Variants in DLST observed in about 807,000 individuals in gnomAD.
The protein encoded by DLST is dihydrolipoyllysine-residue succinyltransferase component of 2-oxoglutarate dehydrogenase complex, mitochondrial.
A neutral mutation model predicts 53.1 loss-of-function variants in DLST; 17 were observed. That is an observed-to-expected ratio of 0.32 (90% CI 0.22 to 0.48). The LOEUF (loss-of-function observed/expected upper bound fraction) is 0.48. DLST is among the 20% of genes least tolerant of loss of function. The pLI is 0.99. For synonymous variants in DLST, 206 were observed against 204.8 expected (o/e 1.01, Z -0.05); for missense variants, 512 against 583.9 (o/e 0.88, Z 1.27).
At chr14:74,886,776 C>G (rs549491928) in intron 3 of DLST, among the ~76,000 whole-genome samples, 41 of 152,014 alleles carry the variant, frequency 2.7e-4, no homozygotes, top group African/African-American at 9.9e-4. Flanking sequence ...GAGTCTTGCT[C>G]TGTCACCCAG....
intron 8 of DLST, 22 bp downstream of exon 8, chr14:74,893,008 G>A: frequency 6.2e-7 from 1 of 1,604,336 alleles, no homozygotes; most frequent in Non-Finnish European, 8.5e-7. Flanking sequence ...ACTCCCACAT[G>A]TCATGTGGGA....
chr14:74,882,750 G>T (rs1281461392), intron 2 of DLST, 126 bp downstream of exon 2: 10 of 819,378 alleles, frequency 1.2e-5, no homozygotes, highest in Non-Finnish European at 1.9e-5. Context: ...GTAGTGAGAC[G>T]CAATGCTACA....
intron 5 of DLST, 27 bp from the exon 6 acceptor site, chr14:74,889,870 C>T (rs552604520): frequency 6.2e-7 from 1 of 1,613,044 alleles, no homozygotes. Context: ...TAACAGGTAG[C>T]CTTGTAGCCT....
intron 10 of DLST, among the ~76,000 whole-genome samples, chr14:74,897,118 T>C (rs1884098004): frequency 6.6e-6 from 1 of 152,252 alleles, no homozygotes. Flanking sequence ...ATCACATCTC[T>C]TTCCCTCTTC....
rs1883957407 is a variant in DLST at position 74,892,887 on chromosome 14, G to A, written c.496G>A (p.Ala166Thr). ...AGCTCCTGCTGCTGCAGCCCCAAAA[G>A]CAGAACCTACAGCAGCGGCAGTTCC... ...AEAPAAAAPK[A>T]EPTAAAVPPP... Residue 166 changes from alanine (A) to threonine (T), a missense_variant, in exon 8 of 15, where the codon GCA (alanine) becomes ACA (threonine). Transcript: ENST00000334220. 6.2e-7 allele frequency: 1 copy of A among 1,614,064 alleles called. No homozygotes were observed. Among genetic ancestry groups the A allele is most frequent in the Non-Finnish European group, 8.5e-7 (1 of 1,180,008 alleles).
At chr14:74,900,995 G>A (rs1884227876) in intron 13 of DLST, 71 bp from the exon 14 acceptor site, 2 of 1,548,856 alleles carry the variant, frequency 1.3e-6, no homozygotes, top group Non-Finnish European at 1.8e-6. Flanking sequence ...CAAAGCGCTG[G>A]GATTATGGAC....
chr14:74,888,816 T>C (rs1361837813), intron 3 of DLST, among the ~76,000 whole-genome samples: 4 of 152,200 alleles, frequency 2.6e-5, no homozygotes, highest in Non-Finnish European at 5.9e-5. Flanking sequence ...TTTGTGAGAG[T>C]TGGCATTGCA....
At position 74,901,107 on chromosome 14, in the gene DLST, TACCTTC is replaced by T. The variant is rs1334322491; in HGVS notation, c.1105_1110del (p.Phe369_Thr370del). 1 of 1,614,042 alleles carries T rather than the reference TACCTTC, an allele frequency of 6.2e-7. No homozygotes were observed. The highest frequency in any genetic ancestry group is 8.5e-7 in the Non-Finnish European group (1 of 1,180,014). On this transcript the variant is annotated inframe_deletion, in exon 14 of 15. Coordinates refer to ENST00000334220, the MANE Select transcript of DLST (RefSeq NM_001933.5). ...TTGCCATTGAAGATATGGATGGCGG[TACCTTC>T]ACCATTAGCAATGGAGGCGTTTTTG...
chr14:74,893,460 G>A, intron 9 of DLST, 36 bp downstream of exon 9: 1 of 1,611,626 alleles, frequency 6.2e-7, no homozygotes, highest in Non-Finnish European at 8.5e-7. Context: ...GAAAGAGGCA[G>A]GGGGCAGTGT....
intron 3 of DLST, among the ~76,000 whole-genome samples, chr14:74,888,280 T>G (rs1364661399): frequency 3.3e-5 from 5 of 151,652 alleles, no homozygotes; most frequent in African/African-American, 9.7e-5. Context: ...TTGGGTTTTT[T>G]TTTTTTTTTT....
rs908660384 is a variant in DLST, at chr14:74,900,016, G to A, written c.975+20G>A. On this transcript the variant is annotated intron_variant, in intron 12 of 14. Transcript: ENST00000334220. ...CCACGGGTATGTTGGGGCAGGAGGT[G>A]GGGAATGTTGGTCTTAGACCCTCAC... 58 of 1,596,876 alleles carry A rather than the reference G, an allele frequency of 3.6e-5. No homozygotes were observed. Among genetic ancestry groups the A allele is most frequent in the Non-Finnish European group, 4.8e-5 (56 of 1,165,676 alleles).
At chr14:74,900,164 C>A in intron 12 of DLST, 125 bp from the exon 13 acceptor site, 1 of 1,108,946 alleles carries the variant, frequency 9.0e-7, no homozygotes, top group Non-Finnish European at 1.4e-6. Context: ...TTAACACTTT[C>A]TGTTAATCAC....
Position 74,889,963 on chromosome 14 carries a change from C to G in DLST, c.330+11C>G. 2 of 1,612,376 alleles carry G rather than the reference C, an allele frequency of 1.2e-6. No individual in the cohort carries two copies. The highest frequency in any genetic ancestry group is 1.7e-6 in the Non-Finnish European group (2 of 1,179,110). ...ATTGAAACTGACAAGGTAGGCTTAT[C>G]TTATATTCGTACCAGCTTTTCATGG... On this transcript the variant is annotated intron_variant, in intron 6 of 14. Transcript: ENST00000334220.
chr14:74,895,258 C>G (rs1884041495), intron 10 of DLST, among the ~76,000 whole-genome samples: 1 of 152,164 alleles, frequency 6.6e-6, no homozygotes. Context: ...AAATGGAAAA[C>G]AAGTTGTGTT....
chr14:74,898,276 A>T, intron 10 of DLST, 93 bp from the exon 11 acceptor site: 1 of 1,489,218 alleles, frequency 6.7e-7, no homozygotes, highest in South Asian at 1.3e-5. Flanking sequence ...GTGAGGGAAA[A>T]GCTCTCACCT....
At chr14:74,886,802 C>T (rs1197174896) in intron 3 of DLST, among the ~76,000 whole-genome samples, 8 of 151,778 alleles carry the variant, frequency 5.3e-5, no homozygotes, top group Non-Finnish European at 1.2e-4. Flanking sequence ...AGTGCAGTGG[C>T]GCGATCTCGG....
intron 13 of DLST, 39 bp from the exon 14 acceptor site, chr14:74,901,026 TG>T: frequency 6.2e-7 from 1 of 1,603,442 alleles, no homozygotes; most frequent in Middle Eastern, 1.8e-4. Flanking sequence ...TGAAGGAAAC[TG>T]GGTTGGCTTG....
In DLST at chr14:74,897,934, TG is replaced by T. The variant is rs200496957; in HGVS notation, c.771-431del. Among the ~76,000 whole-genome samples the T allele has an allele frequency of 1.5e-4, 22 of 144,340 alleles. No individual in the cohort carries two copies. The South Asian group carries it at 1.7e-3, about 11-fold the overall frequency. The allele number at this position is 144,340 out of a possible 152,430, so 94.7% of individuals were successfully genotyped here. On this transcript the variant is annotated intron_variant, in intron 10 of 14. Transcript: ENST00000334220. ...ACACGGGAGTTATACTCAGATTTGG[TG>T]GGGTTTTTTTTTTTTTTTTGTATTC...
intron 10 of DLST, among the ~76,000 whole-genome samples, chr14:74,895,221 C>T (rs930691401): frequency 1.3e-5 from 2 of 152,148 alleles, no homozygotes; most frequent in Non-Finnish European, 2.9e-5. Context: ...CTGGGCTTGT[C>T]TTTCATTTTA....
Sources: allele counts gnomAD v4.1 joint callset (sites outside exome capture counted in the v4.1 genomes callset), GRCh38; gene constraint gnomAD v4.1.1; transcripts MANE v1.5; gene names NCBI Gene and HGNC (gene_info 2026-07-23, HGNC 2026-07-21).